Variants in RNF150 observed in about 807,000 individuals in gnomAD.
RNF150 encodes ring finger protein 150.
In RNF150, 24 loss-of-function variants were observed where a neutral mutation model predicts 39.3. The observed-to-expected ratio is 0.61, with a 90% CI of 0.44 to 0.86. The LOEUF (loss-of-function observed/expected upper bound fraction) is 0.86, where lower values mean the gene tolerates loss of function less well. Among genes scored for constraint, RNF150 ranks in the 40% least tolerant of loss-of-function variants. RNF150 has a pLI of 0.00. For synonymous variants in RNF150, 255 were observed against 227.3 expected, an observed-to-expected ratio of 1.12 and a Z score of -1.10; for missense variants, 502 against 587.8, an observed-to-expected ratio of 0.85 and a Z score of 1.51.
intron 1 of RNF150, among the ~76,000 whole-genome samples, chr4:141,110,973 C>T (rs1739366523): frequency 1.3e-5 from 2 of 152,126 alleles, no homozygotes; most frequent in African/African-American, 4.8e-5. Context: ...TCTGAGTGTA[C>T]TACAGGACAA....
chr4:141,131,616 T>C (rs1726893283), intron 1 of RNF150, among the ~76,000 whole-genome samples: 1 of 152,250 alleles, frequency 6.6e-6, no homozygotes, highest in Non-Finnish European at 1.5e-5. Context: ...CCCTTCATTC[T>C]AGCCAGAAAG....
At chr4:141,071,077 T>G (rs1737679900) in intron 1 of RNF150, among the ~76,000 whole-genome samples, 1 of 132,320 alleles carries the variant, frequency 7.6e-6, no homozygotes, top group South Asian at 2.6e-4. Flanking sequence ...TTCATGTCCT[T>G]TGTAGGGACA....
intron 1 of RNF150, among the ~76,000 whole-genome samples, chr4:141,018,318 C>A (rs999927192): frequency 1.3e-5 from 2 of 152,168 alleles, no homozygotes; most frequent in East Asian, 3.9e-4. Context: ...CTCTCCTAAT[C>A]AGATACACTT....
chr4:141,003,633 A>G (rs1734756598), intron 1 of RNF150, among the ~76,000 whole-genome samples: 1 of 151,192 alleles, frequency 6.6e-6, no homozygotes, highest in Admixed American at 6.6e-5. Context: ...TTCTCCCCAC[A>G]ATCCCTGAAA....
intron 1 of RNF150, among the ~76,000 whole-genome samples, chr4:141,113,693 C>T (rs559619113): frequency 7.0e-4 from 107 of 152,292 alleles, no homozygotes; most frequent in African/African-American, 2.4e-3. Flanking sequence ...CAGAATTCTC[C>T]ACCCCAAATC....
intron 1 of RNF150, among the ~76,000 whole-genome samples, chr4:140,989,826 G>A (rs1734136197): frequency 6.6e-6 from 1 of 151,746 alleles, no homozygotes; most frequent in Admixed American, 6.6e-5. Context: ...GATAGTACTT[G>A]CAGCAAATGC....
intron 6 of RNF150, among the ~76,000 whole-genome samples, chr4:140,878,068 C>T (rs1439040029): frequency 6.6e-6 from 1 of 151,922 alleles, no homozygotes; most frequent in Non-Finnish European, 1.5e-5. Flanking sequence ...TTCTCTATAT[C>T]CCCATCAACA....
intron 1 of RNF150, among the ~76,000 whole-genome samples, chr4:140,996,064 A>G (rs1734358624): frequency 6.6e-6 from 1 of 152,180 alleles, no homozygotes; most frequent in African/African-American, 2.4e-5. Flanking sequence ...ACAGTTCTCC[A>G]TAGTGGCTAT....
intron 4 of RNF150, among the ~76,000 whole-genome samples, chr4:140,936,325 T>C (rs1055234027): frequency 6.6e-6 from 1 of 152,196 alleles, no homozygotes; most frequent in African/African-American, 2.4e-5. Flanking sequence ...GGTCACAAGG[T>C]AGGGTGTATT....
In RNF150 at chr4:140,902,322, C is replaced by T. The variant is rs979405516; in HGVS notation, c.1198+8822G>A. Among the ~76,000 whole-genome samples the T allele has an allele frequency of 2.6e-5, 4 of 152,166 alleles. No homozygotes were observed. In the East Asian group the frequency reaches 7.7e-4, roughly 29 times the overall value. ...GCCTGAGCACTGGGAAGTAATTTTA[C>T]TGTAAAAACAAAAGTCACTAACTTA... On this transcript the variant is annotated intron_variant, in intron 6 of 6. Coordinates refer to ENST00000515673, the MANE Select transcript of RNF150 (RefSeq NM_020724.2).
chr4:140,938,264 T>G (rs1286002458), intron 4 of RNF150, among the ~76,000 whole-genome samples: 1 of 152,176 alleles, frequency 6.6e-6, no homozygotes, highest in Non-Finnish European at 1.5e-5. Context: ...CGCTAAGTTT[T>G]CAAATATTAA....
Position 140,874,679 on chromosome 4 carries a change from T to G in RNF150, c.1199-6300A>C, listed in dbSNP as rs1487563. 7.5e-3 allele frequency among the ~76,000 whole-genome samples: 1,136 copies of G among 152,278 alleles called. 16 individuals are homozygous for G. The highest frequency in any genetic ancestry group is 0.021 in the African/African-American group (888 of 41,562). On this transcript the variant is annotated intron_variant, in intron 6 of 6. Coordinates refer to ENST00000515673, the MANE Select transcript of RNF150 (RefSeq NM_020724.2). ...TAGGCTGGAATGCAGTGGCACAGTC[T>G]CGGCTCATGGCAGCCTCTGCCTCCT...
intron 6 of RNF150, among the ~76,000 whole-genome samples, chr4:140,904,978 C>T (rs779834474): frequency 1.3e-5 from 2 of 152,114 alleles, no homozygotes; most frequent in Non-Finnish European, 2.9e-5. Context: ...TATTAAGCTC[C>T]CCAAATTAGA....
At chr4:141,140,530 A>T (rs1421053339) in intron 1 of RNF150, among the ~76,000 whole-genome samples, 2 of 151,084 alleles carry the variant, frequency 1.3e-5, no homozygotes, top group East Asian at 1.9e-4. Context: ...ATAGTTGTTC[A>T]TTTTTTTTTG....
intron 4 of RNF150, among the ~76,000 whole-genome samples, chr4:140,930,224 C>G (rs1731575037): frequency 6.6e-6 from 1 of 152,218 alleles, no homozygotes; most frequent in Non-Finnish European, 1.5e-5. Context: ...AAATTCTGCT[C>G]AAGACTATAG....
At chr4:141,123,229 C>A (rs1315154378) in intron 1 of RNF150, among the ~76,000 whole-genome samples, 1 of 152,176 alleles carries the variant, frequency 6.6e-6, no homozygotes, top group Non-Finnish European at 1.5e-5. Flanking sequence ...TTTCTGCGTG[C>A]CAGGGACTGC....
At chr4:140,939,123 A>G (rs933174183) in intron 4 of RNF150, among the ~76,000 whole-genome samples, 1 of 152,224 alleles carries the variant, frequency 6.6e-6, no homozygotes, top group African/African-American at 2.4e-5. Flanking sequence ...CTCAAATGTC[A>G]TTAGAAATCC....
chr4:140,897,438 G>C (rs1730006953), intron 6 of RNF150, among the ~76,000 whole-genome samples: 1 of 152,096 alleles, frequency 6.6e-6, no homozygotes. Flanking sequence ...AGTAGATCTG[G>C]GGAGGGGCCT....
intron 1 of RNF150, among the ~76,000 whole-genome samples, chr4:141,147,927 G>C (rs796743145): frequency 1.3e-5 from 2 of 152,230 alleles, no homozygotes; most frequent in African/African-American, 2.4e-5. Context: ...TTTTCTCCCA[G>C]GAGTTGAATA....
Sources: gnomAD v4.1 joint callset for allele counts (sites outside exome capture counted in the v4.1 genomes callset) on GRCh38, gnomAD v4.1.1 for gene constraint, MANE v1.5 for transcripts, NCBI Gene and HGNC (gene_info 2026-07-23, HGNC 2026-07-21) for gene names.